The following CELF2 variants were observed in gnomAD, a reference collection of about 807,000 sequenced individuals.
CELF2 encodes CUG triplet repeat RNA-binding protein 2.
A neutral mutation model predicts 62.6 loss-of-function variants in CELF2; 8 were observed. The observed-to-expected ratio is 0.13, with a 90% CI of 0.07 to 0.23. The LOEUF is 0.23. CELF2 is among the 10% of genes least tolerant of loss of function. The pLI is 1.00. For synonymous variants in CELF2, 258 were observed against 250.0 expected, an observed-to-expected ratio of 1.03 and a Z score of -0.30; for missense variants, 333 against 671.0, an observed-to-expected ratio of 0.50 and a Z score of 5.56.
At chr10:10,998,540 G>A (rs576109744) in intron 2 of CELF2, among the ~76,000 whole-genome samples, 2 of 152,274 alleles carry the variant, frequency 1.3e-5, no homozygotes, top group South Asian at 2.1e-4. Flanking sequence ...AATGTGTGGG[G>A]CCTTTAATAG....
the CELF2 span, among the ~76,000 whole-genome samples, chr10:10,738,931 A>G: frequency 1.7e-3 from 257 of 152,324 alleles, 2 homozygotes; most frequent in East Asian, 0.019. Context: ...TTCCATACTA[A>G]TGTAAGATTG....
At chr10:11,276,742 G>A (rs2086271496) in intron 8 of CELF2, among the ~76,000 whole-genome samples, 1 of 152,226 alleles carries the variant, frequency 6.6e-6, no homozygotes, top group Non-Finnish European at 1.5e-5. Context: ...TCCTGAGGCT[G>A]CTGCCGAGCG....
At chr10:10,783,342 G>T in the CELF2 span, among the ~76,000 whole-genome samples, 2 of 152,130 alleles carry the variant, frequency 1.3e-5, no homozygotes, top group Admixed American at 6.6e-5. Flanking sequence ...GGGACAGGAA[G>T]ATACAGAGGG....
intron 1 of CELF2, among the ~76,000 whole-genome samples, chr10:10,918,406 A>G (rs1294627007): frequency 2.6e-5 from 4 of 152,238 alleles, no homozygotes; most frequent in Non-Finnish European, 5.9e-5. Context: ...CCCAAAGCCA[A>G]TCTTTATAGC....
At chr10:11,068,983 A>C (rs574079552) in intron 1 of CELF2, among the ~76,000 whole-genome samples, 3 of 152,178 alleles carry the variant, frequency 2.0e-5, no homozygotes, top group Non-Finnish European at 4.4e-5. Context: ...TGTATCTTGA[A>C]ACATTTTCCT....
At chr10:11,074,098 G>C (rs188978007) in intron 1 of CELF2, among the ~76,000 whole-genome samples, 1 of 152,194 alleles carries the variant, frequency 6.6e-6, no homozygotes, top group South Asian at 2.1e-4. Context: ...AAGTATATAC[G>C]AGTATGTGTG....
chr10:11,009,215 T>G (rs1333661338), intron 1 of CELF2, among the ~76,000 whole-genome samples: 1 of 152,028 alleles, frequency 6.6e-6, no homozygotes, highest in Non-Finnish European at 1.5e-5. Context: ...GTGGGAGGTT[T>G]TAATGTTGTA....
chr10:11,267,535 T>C lies in CELF2; in HGVS notation c.618+858T>C, dbSNP rs1301433750. ...ACTGTATCTTTGTGTATGGGTGATC[T>C]TTTCCGGAGGTGGCCTTGTGGTGTT... is the stretch of plus-strand genomic sequence containing the variant. On this transcript the variant is annotated intron_variant, in intron 6 of 12. Transcript: ENST00000633077. This position sits in a 1 kb window ranked among gnomAD's most constrained non-coding sequence, Gnocchi z 4.4. Among the ~76,000 whole-genome samples, 1 of 152,216 alleles carries C rather than the reference T, an allele frequency of 6.6e-6. No homozygotes were observed. The highest frequency in any genetic ancestry group is 1.5e-5 in the Non-Finnish European group (1 of 68,032).
chr10:10,695,648 C>G, the CELF2 span, among the ~76,000 whole-genome samples: 1 of 152,116 alleles, frequency 6.6e-6, no homozygotes, highest in South Asian at 2.1e-4. Flanking sequence ...GTACACCAAT[C>G]AGACGTAGAT....
chr10:11,115,686 C>T (rs1318150150), intron 1 of CELF2, among the ~76,000 whole-genome samples: 1 of 152,130 alleles, frequency 6.6e-6, no homozygotes, highest in Non-Finnish European at 1.5e-5. Context: ...ACAGCTGACA[C>T]TTGACAGAAC....
At chr10:10,646,590 A>G in the CELF2 span, among the ~76,000 whole-genome samples, 2 of 152,340 alleles carry the variant, frequency 1.3e-5, no homozygotes, top group Admixed American at 6.5e-5. Flanking sequence ...AATGGATTAC[A>G]TGTTTTGAAA....
chr10:10,764,219 C>T, the CELF2 span, among the ~76,000 whole-genome samples: 1 of 152,088 alleles, frequency 6.6e-6, no homozygotes, highest in Non-Finnish European at 1.5e-5. Context: ...GACAAAGTCC[C>T]AATAATTCAT....
chr10:10,802,730 G>A (rs1485454894), intron 1 of CELF2, among the ~76,000 whole-genome samples: 1 of 152,126 alleles, frequency 6.6e-6, no homozygotes, highest in East Asian at 1.9e-4. Flanking sequence ...GGAAGTCATA[G>A]AACTCATTAG....
chr10:10,854,216 C>T (rs974278385), intron 1 of CELF2, among the ~76,000 whole-genome samples: 1 of 152,142 alleles, frequency 6.6e-6, no homozygotes, highest in Non-Finnish European at 1.5e-5. Flanking sequence ...ATGGAAGTGT[C>T]AAAAGAGCCT....
chr10:11,287,906 G>A (rs1278611881), intron 8 of CELF2, among the ~76,000 whole-genome samples: 2 of 152,230 alleles, frequency 1.3e-5, no homozygotes, highest in African/African-American at 4.8e-5. Context: ...TACCAGTTCA[G>A]CTTCCAGTAA....
At chr10:11,253,483 G>A (rs1475057414) in intron 4 of CELF2, among the ~76,000 whole-genome samples, 1 of 152,194 alleles carries the variant, frequency 6.6e-6, no homozygotes, top group Admixed American at 6.5e-5. Flanking sequence ...GGAAGATGAA[G>A]AAATAATTTT....
chr10:10,802,380 G>T (rs1330070274), intron 1 of CELF2, among the ~76,000 whole-genome samples: 1 of 152,232 alleles, frequency 6.6e-6, no homozygotes, highest in Non-Finnish European at 1.5e-5. Context: ...TGAGGCAGGA[G>T]AATTGCTTGA....
intron 1 of CELF2, among the ~76,000 whole-genome samples, chr10:11,086,562 C>G (rs1205742206): frequency 1.6e-5 from 2 of 121,214 alleles, no homozygotes; most frequent in African/African-American, 6.4e-5. Context: ...GAATCCATGT[C>G]TCCATTTGCA....
At chr10:10,580,914 T>C in the CELF2 span, among the ~76,000 whole-genome samples, 1 of 152,194 alleles carries the variant, frequency 6.6e-6, no homozygotes, top group East Asian at 1.9e-4. Flanking sequence ...GAAAATATAG[T>C]GTGAGTGGTA....
Sources: gnomAD v4.1 joint callset for allele counts (sites outside exome capture counted in the v4.1 genomes callset) on GRCh38, gnomAD v4.1.1 for gene constraint, Gnocchi (gnomAD v3.1) non-coding constraint, MANE v1.5 for transcripts, NCBI Gene and HGNC (gene_info 2026-07-23, HGNC 2026-07-21) for gene names.